ASTN1: variants seen among roughly 807,000 people sequenced by gnomAD.
The protein encoded by ASTN1 is astrotactin-1.
In ASTN1, 41 loss-of-function variants were observed where a neutral mutation model predicts 140.7. The ratio of observed to expected loss-of-function variants is 0.29; its 90% CI spans 0.23 to 0.38. ASTN1 has a LOEUF of 0.38. ASTN1 is among the 10% of genes least tolerant of loss of function. The pLI, the probability that ASTN1 is intolerant of heterozygous loss-of-function variation, is 1.00. For synonymous variants in ASTN1, 640 were observed against 652.2 expected (o/e 0.98, Z 0.29); for missense variants, 1,479 against 1,678.8 (o/e 0.88, Z 2.08).
rs1348472455 is a variant in ASTN1 at position 177,164,646 on chromosome 1, C to A, written c.31G>T (p.Ala11Ser). The stretch of plus-strand genomic sequence containing the variant: ...ACCGCCGCCGGCCCCCAGCAGCAGG[C>A]GAGCAGGGCGCAGAGCCCGGCTAAA... MALAGLCALL[A>S]CCWGPAAVLA... Residue 11 changes from alanine to serine, a missense_variant, in exon 1 of 23, where the codon GCC becomes TCC. By Grantham distance (99) the Ala-to-Ser change is moderately conservative. Transcript: ENST00000361833. 2 of 1,600,120 alleles carry A rather than the reference C, an allele frequency of 1.2e-6. No homozygotes were observed. The highest frequency in any genetic ancestry group is 2.3e-5 in the East Asian group (1 of 44,296).
chr1:176,913,824 C>T (rs1571500971), intron 16 of ASTN1, among the ~76,000 whole-genome samples: 1 of 152,218 alleles, frequency 6.6e-6, no homozygotes, highest in East Asian at 1.9e-4. Flanking sequence ...AGCCTACATT[C>T]AGTAGTCACT....
intron 2 of ASTN1, among the ~76,000 whole-genome samples, chr1:177,058,400 A>G (rs1677913275): frequency 6.6e-6 from 1 of 152,174 alleles, no homozygotes; most frequent in African/African-American, 2.4e-5. Flanking sequence ...AAGAGAATAA[A>G]TTAAAATTAA....
intron 8 of ASTN1, among the ~76,000 whole-genome samples, chr1:177,005,737 C>T (rs1232974543): frequency 1.3e-5 from 2 of 151,980 alleles, no homozygotes; most frequent in African/African-American, 2.4e-5. Flanking sequence ...GGATTACAGG[C>T]GCCCGCCACC....
intron 8 of ASTN1, among the ~76,000 whole-genome samples, chr1:176,986,020 C>T (rs929378066): frequency 7.9e-5 from 12 of 152,072 alleles, no homozygotes; most frequent in African/African-American, 2.9e-4. Flanking sequence ...TTCCAGAGGG[C>T]GCAGCTGAGA....
intron 2 of ASTN1, among the ~76,000 whole-genome samples, chr1:177,052,449 G>A (rs1406396706): frequency 6.6e-6 from 1 of 152,182 alleles, no homozygotes; most frequent in African/African-American, 2.4e-5. Context: ...TTTATGGATA[G>A]GGAAAGTGAG....
chr1:176,913,622 G>T (rs1051810208), intron 16 of ASTN1, among the ~76,000 whole-genome samples: 1 of 152,212 alleles, frequency 6.6e-6, no homozygotes, highest in Non-Finnish European at 1.5e-5. Context: ...TATTCTAAGC[G>T]ATTATTGCTG....
At chr1:177,048,060 C>T (rs970404112) in intron 2 of ASTN1, among the ~76,000 whole-genome samples, 2 of 152,140 alleles carry the variant, frequency 1.3e-5, no homozygotes, top group Non-Finnish European at 2.9e-5. Context: ...CTACATGGCC[C>T]ACTTCCCACT....
chr1:177,119,583 T>TTCCTTCTC (rs1422615131), intron 1 of ASTN1, among the ~76,000 whole-genome samples: 1 of 152,122 alleles, frequency 6.6e-6, no homozygotes, highest in Non-Finnish European at 1.5e-5. Flanking sequence ...TTGGTTTCCC[T>TTCCTTCTC]TCCTTCTCTC....
At chr1:177,122,654 G>T (rs1681460063) in intron 1 of ASTN1, among the ~76,000 whole-genome samples, 1 of 152,232 alleles carries the variant, frequency 6.6e-6, no homozygotes, top group Admixed American at 6.5e-5. Context: ...ACCACCCGCG[G>T]TTTTCGCATC....
intron 16 of ASTN1, among the ~76,000 whole-genome samples, chr1:176,912,072 A>T (rs1670265267): frequency 6.6e-6 from 1 of 152,204 alleles, no homozygotes; most frequent in South Asian, 2.1e-4. Context: ...GTGCTCTTTA[A>T]TAAAATATCA....
intron 1 of ASTN1, among the ~76,000 whole-genome samples, chr1:177,125,773 T>C (rs954886496): frequency 1.3e-5 from 2 of 152,218 alleles, no homozygotes; most frequent in Admixed American, 1.3e-4. Flanking sequence ...TCCTCATAGT[T>C]GCCGATTATG....
chr1:176,925,157 C>T (rs1266750414), intron 16 of ASTN1, among the ~76,000 whole-genome samples: 1 of 152,114 alleles, frequency 6.6e-6, no homozygotes, highest in African/African-American at 2.4e-5. Flanking sequence ...AAAGAAAAGC[C>T]TTGGTCCAAA....
At chr1:176,880,355 C>T (rs905035766) in intron 20 of ASTN1, among the ~76,000 whole-genome samples, 15 of 152,212 alleles carry the variant, frequency 9.9e-5, no homozygotes, top group Admixed American at 9.8e-4. Context: ...ATGGTGGTTT[C>T]TGCCCATCCC....
chr1:176,884,299 C>A, intron 19 of ASTN1, 40 bp downstream of exon 19: 3 of 1,590,452 alleles, frequency 1.9e-6, no homozygotes, highest in Non-Finnish European at 2.6e-6. Flanking sequence ...AGTTTTATCA[C>A]CTTGGATCAA....
intron 1 of ASTN1, among the ~76,000 whole-genome samples, chr1:177,085,751 G>A (rs1049352175): frequency 3.3e-5 from 5 of 152,150 alleles, no homozygotes; most frequent in African/African-American, 9.7e-5. Context: ...GGAAGCATGC[G>A]TACATGTGTG....
At chr1:176,899,200 T>G (rs1269842783) in intron 16 of ASTN1, among the ~76,000 whole-genome samples, 1 of 152,188 alleles carries the variant, frequency 6.6e-6, no homozygotes, top group Non-Finnish European at 1.5e-5. Flanking sequence ...CAGCATACAG[T>G]GGATGAGTTT....
At chr1:177,118,982 T>G (rs2102174485) in intron 1 of ASTN1, among the ~76,000 whole-genome samples, 1 of 152,310 alleles carries the variant, frequency 6.6e-6, no homozygotes, top group South Asian at 2.1e-4. Context: ...AATTCCCTTC[T>G]TCTTACATTT....
chr1:176,950,581 C>A (rs1672152752), intron 11 of ASTN1, among the ~76,000 whole-genome samples: 1 of 152,000 alleles, frequency 6.6e-6, no homozygotes, highest in African/African-American at 2.4e-5. Context: ...CTGCACTGGG[C>A]TCTGTTTCAA....
At chr1:177,120,574 TAAAC>T (rs1196602895) in intron 1 of ASTN1, among the ~76,000 whole-genome samples, 1 of 152,174 alleles carries the variant, frequency 6.6e-6, no homozygotes, top group Non-Finnish European at 1.5e-5. Flanking sequence ...TCCCTTCTCT[TAAAC>T]AAGCCGATTC....
Sources: allele counts gnomAD v4.1 joint callset (sites outside exome capture counted in the v4.1 genomes callset), GRCh38; gene constraint gnomAD v4.1.1; transcripts MANE v1.5; gene names NCBI Gene and HGNC (gene_info 2026-07-23, HGNC 2026-07-21).